The following CLN5 variants were observed in gnomAD, a reference collection of about 807,000 sequenced individuals.
CLN5 encodes CLN5 lysosomal BMP synthase.
A neutral mutation model predicts 36.7 loss-of-function variants in CLN5; 34 were observed. That is an observed-to-expected ratio of 0.93 (90% CI 0.71 to 1.23). CLN5 has a LOEUF of 1.23. Ranked by LOEUF, CLN5 falls within the 50% of genes most tolerant of loss-of-function variation. CLN5 has a pLI of 0.00. For synonymous variants in CLN5, 151 were observed against 155.1 expected, an observed-to-expected ratio of 0.97 and a Z score of 0.20; for missense variants, 427 against 439.4, an observed-to-expected ratio of 0.97 and a Z score of 0.25.
chr13:76,993,722 T>C (rs2034218400), intron 1 of CLN5: 1 of 152,244 alleles, frequency 6.6e-6, no homozygotes, highest in Non-Finnish European at 1.5e-5. Flanking sequence ...TAAGTGCCTA[T>C]AAAACACTGT....
In CLN5 at chr13:77,002,628, C is replaced by A. The variant is rs900551010; in HGVS notation, c.*1659C>A. ...AAATAACCCAGTCACCAGATATCTT[C>A]CTCAAATACAGAGGGAGAACTTTCT... is the stretch of plus-strand genomic sequence containing the variant. On this transcript the variant is annotated 3_prime_UTR_variant, in exon 4 of 4. Transcript: ENST00000377453. 1 of 151,936 alleles carries A rather than the reference C, an allele frequency of 6.6e-6. No individual in the cohort carries two copies. Among genetic ancestry groups the A allele is most frequent in the Non-Finnish European group, 1.5e-5 (1 of 67,978 alleles). The allele number at this position is 151,936 out of a possible 1,614,324, so 9.4% of individuals were successfully genotyped here. A position where few individuals can be genotyped will look rare whatever the true frequency, so the allele number is the denominator to read the frequency against.
In CLN5 at chr13:76,992,240, C is replaced by G; in HGVS notation, c.142C>G (p.Pro48Ala). Residue 48 changes from proline to alanine, a missense_variant, in exon 1 of 4, where the codon CCC becomes GCC. By Grantham distance (27) the Pro-to-Ala change is conservative. Transcript: ENST00000377453. ...VPGWSRVSGIPSRRHWPVPYK... is the reference protein window; with the variant it reads ...VPGWSRVSGIASRRHWPVPYK... ...GGGCTGGTCCCGGGTCTCGGGCATC[C>G]CCTCCCGGCGCCACTGGCCGGTGCC... is the stretch of plus-strand genomic sequence containing the variant. The G allele has an allele frequency of 6.3e-7, 1 of 1,588,626 alleles. No individual in the cohort carries two copies. The highest frequency in any genetic ancestry group is 1.1e-5 in the South Asian group (1 of 89,016).
Position 77,000,540 on chromosome 13 carries a change from C to T in CLN5, c.648C>T (p.Ala216=). The T allele has an allele frequency of 6.2e-7, 1 of 1,613,952 alleles. No individual in the cohort carries two copies. Among genetic ancestry groups the T allele is most frequent in the Non-Finnish European group, 8.5e-7 (1 of 1,179,992 alleles). ...ATTATGAGACATGGAATGTAAAAGCCAGCCCAGAAAAGGGGGCAGAGACAT... is the reference window on the plus strand; with the variant it reads ...ATTATGAGACATGGAATGTAAAAGCTAGCCCAGAAAAGGGGGCAGAGACAT... The part of the protein sequence containing the change: ...GIYYETWNVK[A]SPEKGAETWF... The change falls in exon 4 of 4, where the codon GCC becomes GCT. Residue 216 remains alanine (A), a synonymous_variant. Transcript: ENST00000377453.
rs890476292 is a variant in CLN5 at position 77,004,719 on chromosome 13, T to C, written c.*3750T>C. On this transcript the variant is annotated 3_prime_UTR_variant, in exon 4 of 4. Coordinates refer to ENST00000377453, the MANE Select transcript of CLN5 (RefSeq NM_006493.4). The stretch of plus-strand genomic sequence containing the variant: ...AAATTTTAAAGGACCTAGTGGAGGC[T>C]TGAACCTTCTTCACATGAACGTCTT... 6.6e-6 allele frequency: 1 copy of C among 152,294 alleles called. No homozygotes were observed. Among genetic ancestry groups the C allele is most frequent in the East Asian group, 1.9e-4 (1 of 5,192 alleles). 9.4% of individuals were successfully genotyped at this position (152,294 alleles called of 1,614,324 possible).
rs780198002 is a variant in CLN5, at chr13:76,992,228, GTC to G, written c.133_134del (p.Ser45GlyfsTer16). On this transcript the variant is annotated frameshift_variant, in exon 1 of 4. Transcript: ENST00000377453. LOFTEE classifies it high-confidence loss of function. ...CGCGGTGGTTCCGGGCTGGTCCCGG[GTC>G]TCGGGCATCCCCTCCCGGCGCCACT... is the stretch of plus-strand genomic sequence containing the variant. ...WLAVVPGWSRVSGIPSRRHWP... is the reference protein window; with the variant it reads ...WLAVVPGWSRXSGIPSRRHWP... 1.9e-6 allele frequency: 3 copies of G among 1,596,472 alleles called. No homozygotes were observed. Among genetic ancestry groups the G allele is most frequent in the Admixed American group, 1.7e-5 (1 of 58,906 alleles).
In CLN5 at chr13:77,002,074, A is replaced by G. The variant is rs1368727689; in HGVS notation, c.*1105A>G. 1 of 152,236 alleles carries G rather than the reference A, an allele frequency of 6.6e-6. No homozygotes were observed. The highest frequency in any genetic ancestry group is 1.5e-5 in the Non-Finnish European group (1 of 68,034). 9.4% of individuals were successfully genotyped at this position (152,236 alleles called of 1,614,324 possible). On this transcript the variant is annotated 3_prime_UTR_variant, in exon 4 of 4. Coordinates refer to ENST00000377453, the MANE Select transcript of CLN5 (RefSeq NM_006493.4). ...TCTATTCAAGGAGAAAACACCATTC[A>G]GTAAGAAGATGGAGTAGATATCAGA...
intron 1 of CLN5, 92 bp downstream of exon 1, chr13:76,992,363 T>A: frequency 7.4e-7 from 1 of 1,360,052 alleles, no homozygotes; most frequent in South Asian, 1.4e-5. Context: ...CTCACCGTGG[T>A]TTGTGTCGGG....
chr13:77,000,015 T>C (rs1335541782), intron 3 of CLN5: 1 of 152,062 alleles, frequency 6.6e-6, no homozygotes, highest in Non-Finnish European at 1.5e-5. Flanking sequence ...TTCAAAACCA[T>C]TGTTTACTCA....
chr13:76,997,904 G>C (rs1055460483), intron 3 of CLN5: 3 of 152,188 alleles, frequency 2.0e-5, no homozygotes, highest in African/African-American at 4.8e-5. Flanking sequence ...AAAAATTTTA[G>C]TGATGATATT....
intron 3 of CLN5, 88 bp downstream of exon 3, chr13:76,996,215 A>T: frequency 8.7e-7 from 1 of 1,152,414 alleles, no homozygotes; most frequent in Non-Finnish European, 1.3e-6. Context: ...ACATTTCAGT[A>T]ATGTTTTACT....
At chr13:76,997,765 G>C (rs764286400) in intron 3 of CLN5, 1 of 152,148 alleles carries the variant, frequency 6.6e-6, no homozygotes, top group African/African-American at 2.4e-5. Context: ...CCCTAAAAAT[G>C]CTCTTTTCCC....
chr13:76,994,893 A>G (rs2154034605), intron 1 of CLN5, 170 bp from the exon 2 acceptor site: 1 of 607,576 alleles, frequency 1.6e-6, no homozygotes, highest in East Asian at 2.9e-5. Flanking sequence ...ATTTGCTATT[A>G]AAAACATTAT....
At chr13:76,995,835 C>T (rs2034255323) in intron 2 of CLN5, 67 bp from the exon 3 acceptor site, 2 of 1,160,156 alleles carry the variant, frequency 1.7e-6, no homozygotes, top group African/African-American at 3.0e-5. Flanking sequence ...CACATTTTCT[C>T]CTATCAGGTT....
At chr13:76,995,495 G>C in intron 2 of CLN5, 1 of 518,148 alleles carries the variant, frequency 1.9e-6, no homozygotes, top group Non-Finnish European at 3.5e-6. Context: ...AAGAGGCCCA[G>C]AAGTGGCAGG....
intron 1 of CLN5, 137 bp downstream of exon 1, chr13:76,992,408 C>G: frequency 1.9e-6 from 2 of 1,052,498 alleles, no homozygotes; most frequent in Non-Finnish European, 2.7e-6. Flanking sequence ...CCGGGTGACG[C>G]TCGGAGCGCA....
In CLN5 at chr13:77,000,974, CCTT is replaced by C. The variant is rs765673630; in HGVS notation, c.*6_*8del. Reference sequence around the variant, plus strand: ...AAAACACTCTCTGGTTTATAAAACACCTTAATTCTACTGCTCTTTTTTCTCCAA... The same window carrying C: ...AAAACACTCTCTGGTTTATAAAACACAATTCTACTGCTCTTTTTTCTCCAA... On this transcript the variant is annotated 3_prime_UTR_variant, in exon 4 of 4. Transcript: ENST00000377453. The C allele has an allele frequency of 1.2e-6, 2 of 1,601,280 alleles. No individual in the cohort carries two copies. Among genetic ancestry groups the C allele is most frequent in the Non-Finnish European group, 1.7e-6 (2 of 1,175,206 alleles).
chr13:77,001,232 A>G lies in CLN5; in HGVS notation c.*263A>G, dbSNP rs562972188. 4 of 347,550 alleles carry G rather than the reference A, an allele frequency of 1.2e-5. No individual in the cohort carries two copies. The highest frequency in any genetic ancestry group is 8.9e-4 in the Middle Eastern group (1 of 1,122). The allele number at this position is 347,550 out of a possible 1,614,324, so 21.5% of individuals were successfully genotyped here. A position where few individuals can be genotyped will look rare whatever the true frequency, so the allele number is the denominator to read the frequency against. ...TTGTTAATATGGAGAATTATGGTTCATATCAGTTATGTAGGACCTTTGGAC... is the reference window on the plus strand; with the variant it reads ...TTGTTAATATGGAGAATTATGGTTCGTATCAGTTATGTAGGACCTTTGGAC... On this transcript the variant is annotated 3_prime_UTR_variant, in exon 4 of 4. Transcript: ENST00000377453.
At position 77,004,346 on chromosome 13, in the gene CLN5, C is replaced by G. The variant is rs1246723728; in HGVS notation, c.*3377C>G. ...TTCCCTGTTCACAAAGGCAAACAGG[C>G]TGGCCAAAGTGTTTCCAGCATCTTC... On this transcript the variant is annotated 3_prime_UTR_variant, in exon 4 of 4. Coordinates refer to ENST00000377453, the MANE Select transcript of CLN5 (RefSeq NM_006493.4). The G allele has an allele frequency of 6.6e-6, 1 of 152,188 alleles. No homozygotes were observed. The highest frequency in any genetic ancestry group is 1.5e-5 in the Non-Finnish European group (1 of 68,028). The allele number at this position is 152,188 out of a possible 1,614,324, so 9.4% of individuals were successfully genotyped here.
rs1346318023 is a variant in CLN5 at position 77,004,898 on chromosome 13, A to G, written c.*3929A>G. The G allele has an allele frequency of 6.6e-6, 1 of 152,204 alleles. No homozygotes were observed. Among genetic ancestry groups the G allele is most frequent in the Non-Finnish European group, 1.5e-5 (1 of 68,034 alleles). The allele number at this position is 152,204 out of a possible 1,614,324, so 9.4% of individuals were successfully genotyped here. On this transcript the variant is annotated 3_prime_UTR_variant, in exon 4 of 4. Coordinates refer to ENST00000377453, the MANE Select transcript of CLN5 (RefSeq NM_006493.4). ...ATTTCAATAGTTGAAAAACTATTCT[A>G]ATTTATATAAAGACATTTATCTCTA... is the stretch of plus-strand genomic sequence containing the variant.
Sources: allele counts gnomAD v4.1 joint callset, GRCh38; gene constraint gnomAD v4.1.1; transcripts MANE v1.5; gene names NCBI Gene and HGNC (gene_info 2026-07-23, HGNC 2026-07-21).